The following ZC3HAV1L variants were observed in gnomAD, a reference collection of about 807,000 sequenced individuals.
ZC3HAV1L encodes zinc finger CCCH-type antiviral protein 1-like.
ZC3HAV1L carries 23 observed loss-of-function variants against 28.2 expected under a neutral mutation model. That is an observed-to-expected ratio of 0.82 (90% confidence interval 0.59 to 1.16). The LOEUF (loss-of-function observed/expected upper bound fraction) is 1.16, where lower values mean the gene tolerates loss of function less well. ZC3HAV1L is among the 50% of genes most tolerant of loss of function. ZC3HAV1L has a pLI of 0.00. For synonymous variants in ZC3HAV1L, 180 were observed against 163.4 expected, an observed-to-expected ratio of 1.10 and a Z score of -0.78; for missense variants, 376 against 387.7, an observed-to-expected ratio of 0.97 and a Z score of 0.25.
chr7:139,035,548 G>A (rs1815681753), intron 1 of ZC3HAV1L, 105 bp downstream of exon 1: 1 of 1,319,378 alleles, frequency 7.6e-7, no homozygotes, highest in Non-Finnish European at 9.6e-7. Flanking sequence ...CCGCGTCCCC[G>A]GCCCGGGGCA....
chr7:139,030,282 T>C lies in ZC3HAV1L; in HGVS notation c.502-1322A>G, dbSNP rs958889769. ...CAACACGGTGAAACCCTGACTCTATTAAAAATACAAAAGTTAGCCAGGCAT... is the reference window on the plus strand; with the variant it reads ...CAACACGGTGAAACCCTGACTCTATCAAAAATACAAAAGTTAGCCAGGCAT... On this transcript the variant is annotated intron_variant, in intron 2 of 4. Transcript: ENST00000275766. 2.6e-5 allele frequency among the ~76,000 whole-genome samples: 4 copies of C among 151,034 alleles called. No homozygotes were observed. The South Asian group carries it at 8.4e-4, about 32-fold the overall frequency.
At chr7:139,022,913 G>A (rs1361335770), downstream of ZC3HAV1L, among the ~76,000 whole-genome samples, 2 of 152,168 alleles carry the variant, frequency 1.3e-5, no homozygotes, top group African/African-American at 2.4e-5. Context: ...AGTGGCTCAC[G>A]CCTATAATAC....
At chr7:139,032,047 A>G (rs2130634874) in intron 2 of ZC3HAV1L, among the ~76,000 whole-genome samples, 1 of 152,108 alleles carries the variant, frequency 6.6e-6, no homozygotes, top group East Asian at 1.9e-4. Context: ...GCAACATGGC[A>G]AAACCCTGTC....
rs772602776 is a variant in ZC3HAV1L, at chr7:139,035,904, C to T, written c.114G>A (p.Arg38=). 3.3e-6 allele frequency: 5 copies of T among 1,513,448 alleles called. No individual in the cohort carries two copies. The South Asian group carries it at 6.1e-5, about 19-fold the overall frequency. The allele number at this position is 1,513,448 out of a possible 1,614,324, so 93.8% of individuals were successfully genotyped here. Residue 38 remains arginine, a synonymous_variant, in exon 1 of 5, where the codon CGG becomes CGA. Coordinates refer to ENST00000275766, the MANE Select transcript of ZC3HAV1L (RefSeq NM_080660.4). Reference sequence around the variant, plus strand: ...CGGGCCCGGCGCGCTGCAGCACGTCCCGGAGCCTGGCCTCCGACAGCTCCA... The same window carrying T: ...CGGGCCCGGCGCGCTGCAGCACGTCTCGGAGCCTGGCCTCCGACAGCTCCA... ...GHVELSEARL[R]DVLQRAGPER...
chr7:139,031,778 G>A (rs189666260), intron 2 of ZC3HAV1L, among the ~76,000 whole-genome samples: 6 of 151,952 alleles, frequency 3.9e-5, no homozygotes, highest in East Asian at 3.9e-4. Flanking sequence ...GGTGGCAAGC[G>A]CCTGCAATCC....
At chr7:139,034,423 T>G (rs950315661) in intron 2 of ZC3HAV1L, 120 bp downstream of exon 2, 17 of 1,452,484 alleles carry the variant, frequency 1.2e-5, no homozygotes, top group Admixed American at 2.1e-5. Flanking sequence ...TTTAAAGCAT[T>G]TGAAACTGAA....
At chr7:139,026,976 TTGTA>T in intron 3 of ZC3HAV1L, 143 bp from the exon 4 acceptor site, 1 of 949,958 alleles carries the variant, frequency 1.1e-6, no homozygotes, top group Non-Finnish European at 1.5e-6. Context: ...TTTTAAAAAA[TTGTA>T]TGTGTGTGTG....
intron 1 of ZC3HAV1L, 194 bp downstream of exon 1, chr7:139,035,457 ACC>A: frequency 1.0e-6 from 1 of 985,234 alleles, no homozygotes; most frequent in Non-Finnish European, 1.2e-6. Context: ...CATGGAGAGG[ACC>A]TTCGCGCCTT....
intron 1 of ZC3HAV1L, 93 bp from the exon 2 acceptor site, chr7:139,034,771 C>T: frequency 6.6e-7 from 1 of 1,505,292 alleles, no homozygotes; most frequent in Non-Finnish European, 8.9e-7. Flanking sequence ...GTATTTAATA[C>T]ATGTGAAGTT....
At chr7:139,034,292 C>G (rs1231515103) in intron 2 of ZC3HAV1L, among the ~76,000 whole-genome samples, 2 of 152,116 alleles carry the variant, frequency 1.3e-5, no homozygotes, top group African/African-American at 4.8e-5. Context: ...AATTGGTGGT[C>G]TTAATTGATG....
chr7:139,030,804 G>T (rs1815504354), intron 2 of ZC3HAV1L, among the ~76,000 whole-genome samples: 1 of 151,284 alleles, frequency 6.6e-6, no homozygotes, highest in African/African-American at 2.4e-5. Flanking sequence ...GGACGACAGA[G>T]TGAGTCTCCA....
intron 2 of ZC3HAV1L, among the ~76,000 whole-genome samples, chr7:139,031,011 T>C (rs1031210693): frequency 2.0e-5 from 3 of 152,190 alleles, no homozygotes; most frequent in Non-Finnish European, 4.4e-5. Context: ...ATCCTATTTA[T>C]AATTGTGATG....
downstream of ZC3HAV1L, chr7:139,022,521 G>A: frequency 4.1e-6 from 1 of 245,094 alleles, no homozygotes; most frequent in Non-Finnish European, 8.7e-6. Context: ...CTCCAGCCTG[G>A]GCAACAGAGT....
At chr7:139,033,754 G>T (rs1815607460) in intron 2 of ZC3HAV1L, 2 of 985,270 alleles carry the variant, frequency 2.0e-6, no homozygotes, top group Admixed American at 1.2e-4. Flanking sequence ...AAATCAAAAA[G>T]TACTATAAAA....
At chr7:139,029,687 C>A (rs749887509) in intron 2 of ZC3HAV1L, among the ~76,000 whole-genome samples, 2 of 152,192 alleles carry the variant, frequency 1.3e-5, no homozygotes, top group Non-Finnish European at 2.9e-5. Flanking sequence ...TTAGACCCTG[C>A]TTCCCTCTCT....
At chr7:139,025,448 C>CT (rs1243191747), downstream of ZC3HAV1L, among the ~76,000 whole-genome samples, 53 of 99,418 alleles carry the variant, frequency 5.3e-4, no homozygotes, top group African/African-American at 2.2e-3. Context: ...AACTCTGTCT[C>CT]CAAAAAAAAA....
rs1815367622 is a variant in ZC3HAV1L, at chr7:139,026,835, T to C, written c.761-2A>G. 5.6e-6 allele frequency: 9 copies of C among 1,607,768 alleles called. No individual in the cohort carries two copies. Among genetic ancestry groups the C allele is most frequent in the Non-Finnish European group, 7.7e-6 (9 of 1,176,346 alleles). On this transcript the variant is annotated splice_acceptor_variant, in intron 3 of 4. Coordinates refer to ENST00000275766, the MANE Select transcript of ZC3HAV1L (RefSeq NM_080660.4). LOFTEE classifies it high-confidence loss of function. ...GCTCAGTCGAAGGTGATGAATTATCTACAAAGAGGAAAGGGATAAGTTTTC... is the reference window on the plus strand; with the variant it reads ...GCTCAGTCGAAGGTGATGAATTATCCACAAAGAGGAAAGGGATAAGTTTTC...
chr7:139,028,999 TTC>T, intron 2 of ZC3HAV1L, 39 bp from the exon 3 acceptor site: 1 of 1,585,632 alleles, frequency 6.3e-7, no homozygotes, highest in Non-Finnish European at 8.6e-7. Flanking sequence ...ATATTAGTTT[TTC>T]TTTTTTTTTT....
intron 2 of ZC3HAV1L, among the ~76,000 whole-genome samples, chr7:139,033,112 G>A (rs1023584275): frequency 1.3e-5 from 2 of 152,062 alleles, no homozygotes; most frequent in Non-Finnish European, 2.9e-5. Context: ...AGGAGACTGA[G>A]GTGGGAGAAT....
Sources: allele counts gnomAD v4.1 joint callset (sites outside exome capture counted in the v4.1 genomes callset), GRCh38; gene constraint gnomAD v4.1.1; transcripts MANE v1.5; gene names NCBI Gene and HGNC (gene_info 2026-07-23, HGNC 2026-07-21).